The following CES5A variants were observed in gnomAD, a reference collection of about 807,000 sequenced individuals.
CES5A encodes carboxylesterase 5A.
Under a neutral mutation model 62.9 loss-of-function variants are expected in CES5A, and 67 were observed. The observed-to-expected ratio is 1.07, with a 90% CI of 0.88 to 1.31. CES5A has a LOEUF of 1.31. CES5A is among the 50% of genes most tolerant of loss of function. CES5A has a pLI of 0.00. For synonymous variants in CES5A, 296 were observed against 280.8 expected (o/e 1.05, Z -0.54); for missense variants, 748 against 708.5 (o/e 1.06, Z -0.63).
intron 6 of CES5A, among the ~76,000 whole-genome samples, chr16:55,861,931 C>T (rs2033359854): frequency 1.3e-5 from 2 of 152,086 alleles, no homozygotes; most frequent in Admixed American, 1.3e-4. Flanking sequence ...TTTGGAAGCT[C>T]CTTCATTGTC....
intron 5 of CES5A, among the ~76,000 whole-genome samples, chr16:55,864,062 C>A (rs1227087329): frequency 6.6e-6 from 1 of 152,128 alleles, no homozygotes; most frequent in African/African-American, 2.4e-5. Context: ...CTTAATATTT[C>A]TAAGTATCGG....
chr16:55,922,577 G>T (rs1236611894), intron 1 of CES5A, among the ~76,000 whole-genome samples: 1 of 151,840 alleles, frequency 6.6e-6, no homozygotes, highest in Non-Finnish European at 1.5e-5. Flanking sequence ...GGAAGAAGTA[G>T]ACTGCAATAC....
chr16:55,874,843 A>G (rs1158996748), intron 1 of CES5A, among the ~76,000 whole-genome samples: 2 of 152,198 alleles, frequency 1.3e-5, no homozygotes, highest in African/African-American at 4.8e-5. Context: ...CGCCGCAGCC[A>G]GGAGTGCAGA....
At chr16:55,947,701 A>T (rs929940309) in intron 2 of CES5A, among the ~76,000 whole-genome samples, 2 of 152,092 alleles carry the variant, frequency 1.3e-5, no homozygotes, top group Non-Finnish European at 2.9e-5. Context: ...CACATTTGAA[A>T]TGGAAGTTGA....
Position 55,866,075 on chromosome 16 carries a change from T to C in CES5A, c.593A>G (p.Asp198Gly), listed in dbSNP as rs766644125. 6 of 1,613,930 alleles carry C rather than the reference T, an allele frequency of 3.7e-6. No homozygotes were observed. In the East Asian group the frequency reaches 1.1e-4, roughly 30 times the overall value. The change falls in exon 5 of 13, where the codon GAC (aspartate) becomes GGC (glycine). Residue 198 changes from aspartate (D) to glycine (G), a missense_variant. Transcript: ENST00000290567. The part of the protein sequence containing the change: ...QHAPGNWAFK[D>G]QVAALSWVQK... ...GACCCAGGACAGAGCAGCCACCTGG[T>C]CCTTGAAGGCCCAGTTCCCCGGAGC...
Position 55,912,855 on chromosome 16 carries a change from G to A in CES5A, c.-256+12468C>T, listed in dbSNP as rs761716613. Among the ~76,000 whole-genome samples, 3 of 152,134 alleles carry A rather than the reference G, an allele frequency of 2.0e-5. No individual in the cohort carries two copies. In the East Asian group the frequency reaches 5.8e-4, roughly 29 times the overall value. ...GAGGTGAAGACAAAAAGGGCTCTTT[G>A]CCATTGTTCAGTGTGCAAGAACTGA... On this transcript the variant is annotated intron_variant, in intron 1 of 12. Coordinates refer to the CES5A transcript ENST00000518005.
At chr16:55,854,423 T>C (rs549961893) in intron 9 of CES5A, among the ~76,000 whole-genome samples, 4 of 151,978 alleles carry the variant, frequency 2.6e-5, no homozygotes, top group Admixed American at 6.6e-5. Context: ...GTATAACTTA[T>C]ATCATCAATA....
Position 55,859,596 on chromosome 16 carries a change from G to A in CES5A, c.1007C>T (p.Pro336Leu), listed in dbSNP as rs148912493. Reference protein sequence around the residue: ...LLSQKAFKAIPSIIGVNNHEC... With the variant: ...LLSQKAFKAILSIIGVNNHEC... ...GTGGTTATTGACTCCGATGATGGAA[G>A]GAATTGCTTTAAATGCTTTCTGAGA... The change falls in exon 8 of 13, where the codon CCT becomes CTT. Residue 336 changes from proline to leucine, a missense_variant. By Grantham distance (98) the Pro-to-Leu change is moderately conservative. Coordinates refer to ENST00000290567, the MANE Select transcript of CES5A (RefSeq NM_001143685.2). The A allele has an allele frequency of 2.7e-5, 43 of 1,613,688 alleles. 1 individual carries two copies. The Middle Eastern group carries it at 6.6e-4, about 25-fold the overall frequency.
At chr16:55,918,179 G>A (rs1232711973) in intron 1 of CES5A, among the ~76,000 whole-genome samples, 8 of 152,052 alleles carry the variant, frequency 5.3e-5, no homozygotes, top group Non-Finnish European at 8.8e-5. Context: ...GGTAGGTCTC[G>A]CTGACCAACA....
At chr16:55,936,083 C>G (rs1187498790) in intron 2 of CES5A, among the ~76,000 whole-genome samples, 1 of 152,066 alleles carries the variant, frequency 6.6e-6, no homozygotes, top group South Asian at 2.1e-4. Flanking sequence ...GACTTCAGTT[C>G]GGCATTCTCT....
chr16:55,880,798 T>C (rs2033753599), intron 1 of CES5A, among the ~76,000 whole-genome samples: 1 of 152,112 alleles, frequency 6.6e-6, no homozygotes, highest in Non-Finnish European at 1.5e-5. Context: ...TTGAAGAAAA[T>C]GGCAGTCTCT....
upstream of CES5A, among the ~76,000 whole-genome samples, chr16:55,876,146 T>C (rs2033690266): frequency 6.6e-6 from 1 of 152,228 alleles, no homozygotes; most frequent in Non-Finnish European, 1.5e-5. Flanking sequence ...ATGTACATAT[T>C]CATCACAGCT....
chr16:55,947,209 T>C (rs1016248289), intron 2 of CES5A, among the ~76,000 whole-genome samples: 2 of 152,106 alleles, frequency 1.3e-5, no homozygotes, highest in Non-Finnish European at 2.9e-5. Flanking sequence ...GTTGTTTGCA[T>C]CAAACAAATC....
At chr16:55,927,476 A>G (rs1272262664), upstream of CES5A, among the ~76,000 whole-genome samples, 4 of 152,248 alleles carry the variant, frequency 2.6e-5, no homozygotes, top group African/African-American at 9.6e-5. Context: ...ACATTTCTCA[A>G]AAGAGAATAT....
chr16:55,866,618 C>T (rs578249036), intron 4 of CES5A, among the ~76,000 whole-genome samples: 9 of 140,520 alleles, frequency 6.4e-5, no homozygotes, highest in South Asian at 2.2e-4. Context: ...GTCAGGAGAT[C>T]GAGACCATCC....
chr16:55,865,974 C>T lies in CES5A; in HGVS notation c.694G>A (p.Val232Ile). The T allele has an allele frequency of 6.2e-7, 1 of 1,614,192 alleles. No homozygotes were observed. The highest frequency in any genetic ancestry group is 8.5e-7 in the Non-Finnish European group (1 of 1,180,024). ...AGCAGAGAACTCACAAGACTAGAAA[C>T]ACTTATGGCTCCCGCGGACTCGCCA... ...IFGESAGAIS[V>I]SSLILSPMAK... The change falls in exon 5 of 13, where the codon GTT (valine) becomes ATT (isoleucine). Residue 232 changes from valine (V) to isoleucine (I), a missense_variant. Physicochemically the swap from Val to Ile is conservative, Grantham distance 29. Coordinates refer to ENST00000290567, the MANE Select transcript of CES5A (RefSeq NM_001143685.2).
At chr16:55,862,564 A>G (rs2033374831) in intron 6 of CES5A, among the ~76,000 whole-genome samples, 1 of 152,228 alleles carries the variant, frequency 6.6e-6, no homozygotes, top group African/African-American at 2.4e-5. Flanking sequence ...TTTATGGAGA[A>G]TGTTACCAAA....
At chr16:55,865,853 A>AT in intron 5 of CES5A, 110 bp downstream of exon 5, 3 of 1,225,626 alleles carry the variant, frequency 2.4e-6, no homozygotes, top group Non-Finnish European at 2.4e-6. Context: ...GACAATGTGT[A>AT]TTAAAGGGTT....
At chr16:55,955,979 G>T in exon 1 of CES5A, 2 of 1,355,482 alleles carry the variant, frequency 1.5e-6, no homozygotes, top group Non-Finnish European at 2.0e-6. Flanking sequence ...ACATGGTACA[G>T]CTGATAAAGA....
Sources: allele counts gnomAD v4.1 joint callset (sites outside exome capture counted in the v4.1 genomes callset), GRCh38; gene constraint gnomAD v4.1.1; transcripts MANE v1.5; gene names NCBI Gene and HGNC (gene_info 2026-07-23, HGNC 2026-07-21).